RPS6KC1: variants seen among roughly 807,000 people sequenced by gnomAD.
The protein encoded by RPS6KC1 is inactive ribosomal protein S6 kinase delta-1.
RPS6KC1 carries 54 observed loss-of-function variants against 103.8 expected under a neutral mutation model. That is an observed-to-expected ratio of 0.52 (90% CI 0.42 to 0.65). The LOEUF is 0.65. Ranked by LOEUF, RPS6KC1 falls within the 30% of genes least tolerant of loss-of-function variation. The probability of loss-of-function intolerance (pLI) is 0.00; values close to 1 mark genes in which losing one functional copy is unlikely to be tolerated. For synonymous variants in RPS6KC1, 439 were observed against 438.7 expected (o/e 1.00, Z -0.01); for missense variants, 1,151 against 1,253.8 (o/e 0.92, Z 1.24).
Position 213,261,622 on chromosome 1 carries a change from T to C in RPS6KC1, c.2976T>C (p.Phe992=), listed in dbSNP as rs1573682770. The part of the protein sequence containing the change: ...CDWWSLGAVL[F]ELLTGKTLVE... Reference sequence around the variant, plus strand: ...GGTGGAGTTTGGGTGCTGTCCTCTTTGAACTTCTCACTGGCAAGGTAAGCA... The same window carrying C: ...GGTGGAGTTTGGGTGCTGTCCTCTTCGAACTTCTCACTGGCAAGGTAAGCA... Residue 992 remains phenylalanine, a synonymous_variant, in exon 13 of 15, where the codon TTT becomes TTC. Transcript: ENST00000366960. 1 of 1,614,008 alleles carries C rather than the reference T, an allele frequency of 6.2e-7. No homozygotes were observed. Among genetic ancestry groups the C allele is most frequent in the Non-Finnish European group, 8.5e-7 (1 of 1,179,870 alleles).
the RPS6KC1 span, among the ~76,000 whole-genome samples, chr1:213,423,587 T>TA: frequency 6.6e-6 from 1 of 152,162 alleles, no homozygotes; most frequent in Non-Finnish European, 1.5e-5. Context: ...AAACTTTATT[T>TA]AAAAACTGCA....
the RPS6KC1 span, among the ~76,000 whole-genome samples, chr1:213,674,746 C>A: frequency 3.3e-5 from 5 of 152,212 alleles, no homozygotes; most frequent in East Asian, 9.6e-4. Flanking sequence ...TACATTCCCA[C>A]CAACAGTGCA....
chr1:213,215,733 TAAAGA>T (rs1182087013), intron 8 of RPS6KC1, among the ~76,000 whole-genome samples: 1 of 152,154 alleles, frequency 6.6e-6, no homozygotes, highest in Non-Finnish European at 1.5e-5. Context: ...TCAACATTCT[TAAAGA>T]AAAGAATTTT....
chr1:213,228,353 A>G (rs2148839634), intron 8 of RPS6KC1, among the ~76,000 whole-genome samples: 1 of 152,318 alleles, frequency 6.6e-6, no homozygotes, highest in South Asian at 2.1e-4. Flanking sequence ...TATAGCTTCT[A>G]CATAATAAGA....
the RPS6KC1 span, among the ~76,000 whole-genome samples, chr1:213,597,767 CT>C: frequency 6.6e-6 from 1 of 152,098 alleles, no homozygotes; most frequent in Non-Finnish European, 1.5e-5. Flanking sequence ...CAGAGCTGCT[CT>C]GAATGAAGGA....
chr1:213,056,318 G>T (rs2077327659), intron 1 of RPS6KC1, among the ~76,000 whole-genome samples: 1 of 152,174 alleles, frequency 6.6e-6, no homozygotes, highest in Admixed American at 6.5e-5. Context: ...GGGTCATATA[G>T]CCAGCAAGTG....
chr1:213,631,562 G>GT, the RPS6KC1 span, among the ~76,000 whole-genome samples: 1 of 151,924 alleles, frequency 6.6e-6, no homozygotes, highest in Admixed American at 6.6e-5. Flanking sequence ...GTATATGAAT[G>GT]TTTTTCTATA....
chr1:213,801,203 A>G, the RPS6KC1 span, among the ~76,000 whole-genome samples: 1 of 152,348 alleles, frequency 6.6e-6, no homozygotes, highest in East Asian at 1.9e-4. Context: ...TGACATTGAC[A>G]TGCTTACGAT....
At chr1:213,628,655 G>A in the RPS6KC1 span, among the ~76,000 whole-genome samples, 1 of 152,042 alleles carries the variant, frequency 6.6e-6, no homozygotes, top group African/African-American at 2.4e-5. Context: ...TGCTTCTCTA[G>A]TTCTTTTAAT....
intron 6 of RPS6KC1, among the ~76,000 whole-genome samples, chr1:213,159,226 C>T (rs1376602784): frequency 1.3e-5 from 2 of 152,112 alleles, no homozygotes; most frequent in Non-Finnish European, 2.9e-5. Context: ...GGAAGAAAGT[C>T]TGGACGAGTA....
the RPS6KC1 span, among the ~76,000 whole-genome samples, chr1:213,280,893 C>T: frequency 6.6e-6 from 1 of 152,184 alleles, no homozygotes; most frequent in African/African-American, 2.4e-5. Flanking sequence ...TGCCTGAACT[C>T]AGCCTTAATA....
the RPS6KC1 span, among the ~76,000 whole-genome samples, chr1:213,331,873 A>G: frequency 1.3e-5 from 2 of 151,942 alleles, no homozygotes; most frequent in Non-Finnish European, 2.9e-5. Context: ...CTGCCTGCCC[A>G]GGCTGCCTTT....
chr1:213,164,661 C>A (rs566414324), intron 6 of RPS6KC1, among the ~76,000 whole-genome samples: 4 of 152,326 alleles, frequency 2.6e-5, no homozygotes, highest in African/African-American at 9.6e-5. Flanking sequence ...TTCCCAGGTT[C>A]ATGTGATCCT....
chr1:213,094,108 G>A, intron 3 of RPS6KC1, among the ~76,000 whole-genome samples: 1 of 148,178 alleles, frequency 6.7e-6, no homozygotes, highest in Admixed American at 6.8e-5. Context: ...CAAGAGAATA[G>A]TATAGTGAAC....
chr1:213,228,886 AT>A (rs1405977720), intron 8 of RPS6KC1, among the ~76,000 whole-genome samples: 4 of 152,184 alleles, frequency 2.6e-5, no homozygotes, highest in Non-Finnish European at 4.4e-5. Flanking sequence ...AGGAGGTAGA[AT>A]TGATTTGATT....
the RPS6KC1 span, among the ~76,000 whole-genome samples, chr1:213,854,512 C>CTTTCTT: frequency 6.2e-5 from 4 of 64,170 alleles, no homozygotes; most frequent in Admixed American, 1.6e-4. Context: ...CTTTCTTTCT[C>CTTTCTT]TTTCTTTCTT....
chr1:213,053,831 T>A (rs1181463227), intron 1 of RPS6KC1, among the ~76,000 whole-genome samples: 1 of 151,702 alleles, frequency 6.6e-6, no homozygotes, highest in Admixed American at 6.6e-5. Flanking sequence ...TTAACCAAAT[T>A]CAGAATTTTT....
the RPS6KC1 span, among the ~76,000 whole-genome samples, chr1:213,366,285 C>T: frequency 2.7e-4 from 41 of 151,760 alleles, no homozygotes; most frequent in Non-Finnish European, 4.1e-4. Context: ...GTGAGACGCA[C>T]GGAGACAATG....
At chr1:213,144,031 A>G (rs572029505) in intron 6 of RPS6KC1, among the ~76,000 whole-genome samples, 5 of 152,188 alleles carry the variant, frequency 3.3e-5, no homozygotes, top group African/African-American at 4.8e-5. Context: ...TTAAGGAGCT[A>G]TATGATTGGA....
Sources: gnomAD v4.1 joint callset for allele counts (sites outside exome capture counted in the v4.1 genomes callset) on GRCh38, gnomAD v4.1.1 for gene constraint, MANE v1.5 for transcripts, NCBI Gene and HGNC (gene_info 2026-07-23, HGNC 2026-07-21) for gene names.